POF1B: variants seen among roughly 807,000 people sequenced by gnomAD.
The protein encoded by POF1B is protein POF1B.
Under a neutral mutation model 55.3 loss-of-function variants are expected in POF1B, and 53 were observed. That is an observed-to-expected ratio of 0.96 (90% CI 0.77 to 1.20). The LOEUF is 1.20. Ranked by LOEUF, POF1B falls within the 50% of genes most tolerant of loss-of-function variation. The pLI, the probability that POF1B is intolerant of heterozygous loss-of-function variation, is 0.00. For synonymous variants in POF1B, 188 were observed against 148.3 expected (o/e 1.27, Z -1.95); for missense variants, 478 against 420.5 (o/e 1.14, Z -1.20).
At chrX:85,346,193 A>G in intron 5 of POF1B, 151 bp from the exon 6 acceptor site, 1 of 429,471 alleles carries the variant, frequency 2.3e-6, no homozygotes, top group Non-Finnish European at 3.6e-6. Flanking sequence ...TATTTTTTCA[A>G]TTTTTTTCAT....
At position 85,293,668 on chromosome X, in the gene POF1B, T is replaced by A. The variant is rs192951179; in HGVS notation, c.1649+9738A>T. 8.2e-3 allele frequency among the ~76,000 whole-genome samples: 916 copies of A among 111,319 alleles called. 11 individuals are homozygous for A. Among genetic ancestry groups the A allele is most frequent in the African/African-American group, 0.028 (863 of 30,676 alleles). On this transcript the variant is annotated intron_variant, in intron 15 of 16. Transcript: ENST00000262753. ...TGCACTTGTACCACTGAACATAAAA[T>A]AAAAGTTAAAGAAGAAAAAAACAGG...
chrX:85,366,834 T>C (rs1054171845), intron 3 of POF1B, among the ~76,000 whole-genome samples: 4 of 112,091 alleles, frequency 3.6e-5, no homozygotes, highest in African/African-American at 1.3e-4. Flanking sequence ...ATTACTCTAA[T>C]TGACCTAACT....
intron 15 of POF1B, among the ~76,000 whole-genome samples, chrX:85,300,662 G>C (rs746379123): frequency 1.6e-4 from 18 of 111,442 alleles, no homozygotes; most frequent in Non-Finnish European, 3.0e-4. Context: ...GACATGCAAA[G>C]AAACAAGAAA....
intron 2 of POF1B, among the ~76,000 whole-genome samples, chrX:85,375,744 CA>C (rs770852804): frequency 2.7e-5 from 3 of 111,279 alleles, no homozygotes; most frequent in South Asian, 7.6e-4. Context: ...AGAAAAAGCA[CA>C]AAAAAATCAT....
chrX:85,364,768 G>A (rs757263528), intron 3 of POF1B, among the ~76,000 whole-genome samples: 5 of 111,527 alleles, frequency 4.5e-5, no homozygotes, highest in African/African-American at 1.6e-4. Context: ...ATGGTTCTCT[G>A]TATTTTCTAA....
rs1157510302 is a variant in POF1B, at chrX:85,304,369, CCTT to C, written c.1537_1539del (p.Lys513del). Reference sequence around the variant, plus strand: ...TCTGACTGACGCTTTATGAGGGAATCCTTCTCTTCCAGCAAGCTTGTCAGTTCA... The same window carrying C: ...TCTGACTGACGCTTTATGAGGGAATCCTCTTCCAGCAAGCTTGTCAGTTCA... On this transcript the variant is annotated inframe_deletion, in exon 14 of 17. Transcript: ENST00000262753. 4.2e-6 allele frequency: 5 copies of C among 1,191,782 alleles called. No individual in the cohort carries two copies. The highest frequency in any genetic ancestry group is 5.7e-6 in the Non-Finnish European group (5 of 884,882).
chrX:85,302,027 T>G (rs777235433), intron 15 of POF1B, among the ~76,000 whole-genome samples: 205 of 111,508 alleles, frequency 1.8e-3, no homozygotes, highest in African/African-American at 6.6e-3. Flanking sequence ...AATGTAAAAT[T>G]TATGATCTTG....
chrX:85,285,937 G>T (rs185564580), intron 15 of POF1B, among the ~76,000 whole-genome samples: 2 of 111,505 alleles, frequency 1.8e-5, no homozygotes, highest in Admixed American at 1.9e-4. Context: ...GATAAAAAAT[G>T]TTAAAAGAAG....
rs1933385442 is a variant in POF1B at position 85,351,433 on chromosome X, GGAA to G, written c.454_456del (p.Phe152del). 1 of 1,184,917 alleles carries G rather than the reference GGAA, an allele frequency of 8.4e-7. No homozygotes were observed. Among genetic ancestry groups the G allele is most frequent in the East Asian group, 3.0e-5 (1 of 33,331 alleles). On this transcript the variant is annotated inframe_deletion, in exon 5 of 17. Transcript: ENST00000262753. ...CCTGGGAAGAAATGGCTTCCTCTTAGGAATTGAGACAGTGGTTCCTAAAATGAT... is the reference window on the plus strand; with the variant it reads ...CCTGGGAAGAAATGGCTTCCTCTTAGTTGAGACAGTGGTTCCTAAAATGAT...
intron 7 of POF1B, among the ~76,000 whole-genome samples, chrX:85,320,102 G>A (rs751512871): frequency 1.0e-3 from 112 of 111,359 alleles, no homozygotes; most frequent in African/African-American, 3.5e-3. Flanking sequence ...TCCATCTTCA[G>A]AAGTTGTATG....
intron 6 of POF1B, among the ~76,000 whole-genome samples, chrX:85,337,010 G>A (rs189021880): frequency 1.3e-3 from 147 of 111,348 alleles, no homozygotes; most frequent in African/African-American, 4.4e-3. Flanking sequence ...CATCCTTTGC[G>A]TATGGATACC....
At chrX:85,341,634 A>G (rs1202950991) in intron 6 of POF1B, among the ~76,000 whole-genome samples, 2 of 110,448 alleles carry the variant, frequency 1.8e-5, no homozygotes, top group Non-Finnish European at 3.8e-5. Flanking sequence ...ATTTTCAATA[A>G]TGGGATTGAA....
intron 6 of POF1B, among the ~76,000 whole-genome samples, chrX:85,343,997 A>G (rs1293918100): frequency 9.0e-6 from 1 of 111,431 alleles, no homozygotes; most frequent in African/African-American, 3.3e-5. Context: ...GGACAACAAT[A>G]GCACCTTCCT....
intron 9 of POF1B, among the ~76,000 whole-genome samples, chrX:85,309,226 A>G (rs1036748951): frequency 3.6e-5 from 4 of 109,710 alleles, no homozygotes; most frequent in African/African-American, 1.3e-4. Context: ...CAAGTTACCA[A>G]TGGGAAACCT....
At chrX:85,308,305 C>T in intron 9 of POF1B, 89 bp from the exon 10 acceptor site, 1 of 519,887 alleles carries the variant, frequency 1.9e-6, no homozygotes, top group African/African-American at 2.4e-5. Flanking sequence ...TACTAGCAAA[C>T]TTATTAATAA....
In POF1B at chrX:85,379,370, G is replaced by T. The variant is rs145288396; in HGVS notation, c.85C>A (p.His29Asn). The T allele has an allele frequency of 3.9e-4, 472 of 1,207,408 alleles. 1 individual carries two copies. Among genetic ancestry groups the T allele is most frequent in the Non-Finnish European group, 5.0e-4 (446 of 894,485 alleles). ...CTTGACTGATGGTAGCAGTGGTAAT[G>T]CTGGGGCTGGCACTGCAGCACCTCT... Reference protein sequence around the residue: ...LPEVLQCQPQHYHCYHQSSQA... With the variant: ...LPEVLQCQPQNYHCYHQSSQA... Residue 29 changes from histidine to asparagine, a missense_variant, in exon 2 of 17, where the codon CAT becomes AAT. Transcript: ENST00000262753.
At chrX:85,294,129 T>C (rs1164915483) in intron 15 of POF1B, among the ~76,000 whole-genome samples, 1 of 111,779 alleles carries the variant, frequency 8.9e-6, no homozygotes, top group African/African-American at 3.3e-5. Flanking sequence ...TTTGGTGGAG[T>C]CTTTAGTCTT....
chrX:85,332,461 G>A (rs1010189270), intron 6 of POF1B, among the ~76,000 whole-genome samples: 3 of 110,631 alleles, frequency 2.7e-5, no homozygotes, highest in African/African-American at 9.8e-5. Flanking sequence ...TCCCCAAAAC[G>A]CACTGCCTGG....
Position 85,308,270 on chromosome X carries a change from A to G in POF1B, c.958-54T>C, listed in dbSNP as rs974381587. 6 of 862,035 alleles carry G rather than the reference A, an allele frequency of 7.0e-6. No individual in the cohort carries two copies. In the African/African-American group the frequency reaches 8.4e-5, roughly 12 times the overall value. 71.0% of individuals were successfully genotyped at this position (862,035 alleles called of 1,213,427 possible). A position where few individuals can be genotyped will look rare whatever the true frequency, so the allele number is the denominator to read the frequency against. ...TTTTATTAACATTTGAAAATAGGCA[A>G]TATAAGTGAAAGTTTTTTTTTTCCT... On this transcript the variant is annotated intron_variant, in intron 9 of 16. Coordinates refer to ENST00000262753, the MANE Select transcript of POF1B (RefSeq NM_024921.4).
Sources: allele counts gnomAD v4.1 joint callset (sites outside exome capture counted in the v4.1 genomes callset), GRCh38; gene constraint gnomAD v4.1.1; transcripts MANE v1.5; gene names NCBI Gene and HGNC (gene_info 2026-07-23, HGNC 2026-07-21).